The following OSBPL10 variants were observed in gnomAD, a reference collection of about 807,000 sequenced individuals.
The protein encoded by OSBPL10 is oxysterol-binding protein-related protein 10.
A neutral mutation model predicts 81.7 loss-of-function variants in OSBPL10; 49 were observed. The ratio of observed to expected loss-of-function variants is 0.60; its 90% CI spans 0.48 to 0.76. The LOEUF is 0.76. Among genes scored for constraint, OSBPL10 ranks in the 30% least tolerant of loss-of-function variants. OSBPL10 has a pLI of 0.00. For synonymous variants in OSBPL10, 419 were observed against 383.6 expected (o/e 1.09, Z -1.08); for missense variants, 923 against 987.8 (o/e 0.93, Z 0.88).
chr3:31,708,422 C>T (rs1696139719), intron 6 of OSBPL10, among the ~76,000 whole-genome samples: 1 of 152,168 alleles, frequency 6.6e-6, no homozygotes, highest in South Asian at 2.1e-4. Flanking sequence ...TTAAGAAGCC[C>T]CATCTAACAG....
chr3:31,808,190 A>G (rs2125465787), intron 4 of OSBPL10, among the ~76,000 whole-genome samples: 1 of 152,134 alleles, frequency 6.6e-6, no homozygotes, highest in Non-Finnish European at 1.5e-5. Flanking sequence ...GATCATCCCC[A>G]TTTTACTCCT....
upstream of OSBPL10, among the ~76,000 whole-genome samples, chr3:31,982,994 A>G (rs906567686): frequency 1.3e-5 from 2 of 152,184 alleles, no homozygotes; most frequent in African/African-American, 4.8e-5. Context: ...TCTTTTCCTT[A>G]TCCCAGGAGA....
intron 6 of OSBPL10, chr3:31,703,556 T>C (rs1302609373): frequency 1.3e-5 from 2 of 152,196 alleles, no homozygotes; most frequent in Non-Finnish European, 2.9e-5. Context: ...TACAGGCACT[T>C]CTAACATACA....
At chr3:31,797,144 G>T (rs1335042430) in intron 4 of OSBPL10, among the ~76,000 whole-genome samples, 1 of 151,676 alleles carries the variant, frequency 6.6e-6, no homozygotes, top group African/African-American at 2.4e-5. Flanking sequence ...ACAGGCATGC[G>T]CCACGACGCC....
At chr3:31,662,392 C>A in intron 11 of OSBPL10, 4 of 1,167,860 alleles carry the variant, frequency 3.4e-6, no homozygotes, top group Admixed American at 4.7e-5. Flanking sequence ...ATTACTTGGC[C>A]AAAAAAAAGA....
chr3:31,815,605 G>C (rs1240083896), intron 4 of OSBPL10, among the ~76,000 whole-genome samples: 1 of 152,148 alleles, frequency 6.6e-6, no homozygotes, highest in African/African-American at 2.4e-5. Context: ...GGAAAGATGG[G>C]AATGACCAAA....
chr3:31,953,001 C>T (rs954143660), intron 1 of OSBPL10, among the ~76,000 whole-genome samples: 4 of 146,978 alleles, frequency 2.7e-5, no homozygotes, highest in Admixed American at 1.4e-4. Flanking sequence ...GGTGCAATCT[C>T]GGCTCACTGC....
chr3:32,051,045 C>T (rs967092878), intron 1 of OSBPL10, among the ~76,000 whole-genome samples: 42 of 152,188 alleles, frequency 2.8e-4, no homozygotes, highest in Non-Finnish European at 5.4e-4. Context: ...ATTTAGAAGG[C>T]CTTTATGTTT....
intron 2 of OSBPL10, among the ~76,000 whole-genome samples, chr3:32,032,833 A>G (rs909366467): frequency 4.6e-5 from 7 of 152,218 alleles, no homozygotes; most frequent in Admixed American, 6.5e-5. Context: ...CTTAGGAAAA[A>G]TTACAGTTGG....
chr3:31,792,689 GGGGGTGTGCA>G (rs1348073336), intron 4 of OSBPL10, among the ~76,000 whole-genome samples: 7 of 150,862 alleles, frequency 4.6e-5, no homozygotes, highest in African/African-American at 2.4e-5. Context: ...TTGGTGTTGT[GGGGGTGTGCA>G]GGGGTGTGTG....
At chr3:31,784,127 TCAG>T (rs1014248653) in intron 4 of OSBPL10, among the ~76,000 whole-genome samples, 1 of 151,214 alleles carries the variant, frequency 6.6e-6, no homozygotes, top group Admixed American at 6.6e-5. Context: ...TCACTTGAGG[TCAG>T]GAGTTCAAGA....
intron 4 of OSBPL10, among the ~76,000 whole-genome samples, chr3:31,786,957 A>G (rs1698876026): frequency 6.6e-6 from 1 of 152,198 alleles, no homozygotes; most frequent in Non-Finnish European, 1.5e-5. Context: ...TTTCAGGCAA[A>G]TGATTTAAGA....
chr3:32,043,842 T>C (rs1049692499), intron 2 of OSBPL10, among the ~76,000 whole-genome samples: 8 of 152,134 alleles, frequency 5.3e-5, no homozygotes, highest in African/African-American at 1.7e-4. Flanking sequence ...TGTTCTCTTA[T>C]AAGTGAGAGC....
At chr3:31,928,762 CAAA>C (rs58345341) in intron 1 of OSBPL10, among the ~76,000 whole-genome samples, 33 of 95,082 alleles carry the variant, frequency 3.5e-4, no homozygotes, top group Middle Eastern at 6.0e-3. Flanking sequence ...GACTTGTCTC[CAAA>C]AAAAAAAAAA....
At chr3:31,676,627 T>C (rs909262388) in intron 8 of OSBPL10, among the ~76,000 whole-genome samples, 1 of 152,252 alleles carries the variant, frequency 6.6e-6, no homozygotes, top group Non-Finnish European at 1.5e-5. Context: ...GGGAAGTGTG[T>C]TTGCAGACCC....
intron 4 of OSBPL10, among the ~76,000 whole-genome samples, chr3:31,756,097 C>T (rs574383783): frequency 6.6e-5 from 10 of 152,322 alleles, no homozygotes. Context: ...AAGTCTGCTT[C>T]TTGGCAGGCA....
chr3:32,059,994 G>A (rs1426885593), intron 1 of OSBPL10, among the ~76,000 whole-genome samples: 2 of 152,098 alleles, frequency 1.3e-5, no homozygotes, highest in Non-Finnish European at 2.9e-5. Context: ...AAGTGCATGA[G>A]GGGGCTTTTG....
At chr3:31,687,791 G>C (rs192961585) in intron 7 of OSBPL10, among the ~76,000 whole-genome samples, 278 of 152,222 alleles carry the variant, frequency 1.8e-3, no homozygotes, top group African/African-American at 6.3e-3. Flanking sequence ...AGAGGGGGAA[G>C]AGCCAGGTAT....
At chr3:31,933,529 C>T (rs1017711337) in intron 1 of OSBPL10, among the ~76,000 whole-genome samples, 1 of 151,922 alleles carries the variant, frequency 6.6e-6, no homozygotes, top group South Asian at 2.1e-4. Flanking sequence ...CTCACCCTCC[C>T]GAGCAGTAGT....
Sources: gnomAD v4.1 joint callset for allele counts (sites outside exome capture counted in the v4.1 genomes callset) on GRCh38, gnomAD v4.1.1 for gene constraint, MANE v1.5 for transcripts, NCBI Gene and HGNC (gene_info 2026-07-23, HGNC 2026-07-21) for gene names.